CORO7: variants seen among roughly 807,000 people sequenced by gnomAD.
CORO7 encodes the protein coronin-7.
A neutral mutation model predicts 126.6 loss-of-function variants in CORO7; 107 were observed. The observed-to-expected ratio is 0.85, with a 90% CI of 0.72 to 0.99. CORO7 has a LOEUF of 0.99. CORO7 is among the 50% of genes least tolerant of loss of function. The pLI is 0.00. For missense variants in CORO7, 1,314 were observed against 1,255.8 expected (o/e 1.05, Z -0.70); for synonymous variants, 603 against 536.8 (o/e 1.12, Z -1.70).
intron 16 of CORO7, chr16:4,361,743 A>G (rs1342871234): frequency 1.2e-6 from 1 of 808,358 alleles, no homozygotes. Flanking sequence ...CAGCTCCACC[A>G]CTTACACAGC....
At chr16:4,383,041 G>C (rs1596309368) in intron 9 of CORO7, 1 of 932,794 alleles carries the variant, frequency 1.1e-6, no homozygotes, top group Non-Finnish European at 1.6e-6. Context: ...GCTGGGCCCT[G>C]TTCCCTCTGG....
intron 25 of CORO7, chr16:4,357,581 C>G (rs1281045167): frequency 3.0e-6 from 1 of 334,286 alleles, no homozygotes; most frequent in African/African-American, 2.2e-5. Flanking sequence ...GTCTCAAACC[C>G]CCGACCTCAG....
At chr16:4,360,656 G>C in intron 19 of CORO7, 108 bp from the exon 20 acceptor site, 1 of 1,410,936 alleles carries the variant, frequency 7.1e-7, no homozygotes, top group East Asian at 2.5e-5. Context: ...CCTCACTGCT[G>C]TTCCCGCCTC....
At chr16:4,377,185 G>A (rs1008446104) in intron 9 of CORO7, among the ~76,000 whole-genome samples, 4 of 152,120 alleles carry the variant, frequency 2.6e-5, no homozygotes, top group Non-Finnish European at 5.9e-5. Context: ...GGTGGAGGAC[G>A]GAGGCCCCAG....
chr16:4,397,068 A>G (rs970834908), intron 6 of CORO7, among the ~76,000 whole-genome samples: 3 of 151,890 alleles, frequency 2.0e-5, no homozygotes, highest in African/African-American at 7.3e-5. Context: ...TTGCACCAGT[A>G]CAGATAAAAA....
intron 3 of CORO7, among the ~76,000 whole-genome samples, chr16:4,410,315 C>G (rs1279476238): frequency 6.6e-6 from 1 of 152,060 alleles, no homozygotes; most frequent in East Asian, 1.9e-4. Context: ...GTCCCAGCTA[C>G]TAGGGAGGCT....
chr16:4,379,711 C>A (rs532601749), intron 9 of CORO7, among the ~76,000 whole-genome samples: 2 of 151,980 alleles, frequency 1.3e-5, no homozygotes, highest in Non-Finnish European at 2.9e-5. Flanking sequence ...GGCTGCTGCT[C>A]ATCTTTCTTG....
chr16:4,359,375 C>T lies in CORO7; in HGVS notation c.2261G>A (p.Arg754His), dbSNP rs765337019. 25 of 1,613,426 alleles carry T rather than the reference C, an allele frequency of 1.5e-5. No individual in the cohort carries two copies. Among genetic ancestry groups the T allele is most frequent in the Non-Finnish European group, 1.9e-5 (22 of 1,179,958 alleles). ...LVLLTGKGDT[R>H]VFLYELLPES... is the part of the protein sequence containing the mutation. ...GGGGAGCAGCTCGTACAGGAATACA[C>T]GGGTGTCGCCCTGCGGGGAAGAAGG... Residue 754 changes from arginine to histidine, a missense_variant, in exon 23 of 28, where the codon CGT becomes CAT. Physicochemically the swap from Arg to His is conservative, Grantham distance 29. Coordinates refer to ENST00000251166, the MANE Select transcript of CORO7 (RefSeq NM_024535.5).
chr16:4,388,454 T>C, intron 8 of CORO7, 91 bp downstream of exon 8: 2 of 1,419,920 alleles, frequency 1.4e-6, no homozygotes, highest in Non-Finnish European at 1.9e-6. Context: ...TGGCCCTCAG[T>C]CCCCCGCCTC....
chr16:4,382,993 A>T, intron 9 of CORO7: 2 of 1,322,420 alleles, frequency 1.5e-6, no homozygotes, highest in Non-Finnish European at 2.0e-6. Context: ...CTCAGTCCCA[A>T]CCTCGGGGAT....
intron 9 of CORO7, among the ~76,000 whole-genome samples, chr16:4,366,916 C>T (rs7197721): frequency 0.031 from 4,675 of 152,210 alleles, 253 homozygotes; most frequent in African/African-American, 0.11. Context: ...AACAGGACCC[C>T]GTCCCCACTG....
chr16:4,407,275 C>T lies in CORO7; in HGVS notation c.487+226G>A, dbSNP rs1315938971. 6.1e-5 allele frequency among the ~76,000 whole-genome samples: 8 copies of T among 131,612 alleles called. No homozygotes were observed. The East Asian group carries it at 1.7e-3, about 28-fold the overall frequency. 86.3% of individuals were successfully genotyped at this position (131,612 alleles called of 152,430 possible). On this transcript the variant is annotated intron_variant, in intron 5 of 27. Transcript: ENST00000251166. The stretch of plus-strand genomic sequence containing the variant: ...TATTTTTTTAAATGGAGAAAAACAA[C>T]AGAAAAAAAAAAAAACAGGTAAGAG...
At position 4,395,318 on chromosome 16, in the gene CORO7, C is replaced by T. The variant is rs1245147090; in HGVS notation, c.586G>A (p.Asp196Asn). The T allele has an allele frequency of 6.2e-7, 1 of 1,613,922 alleles. No homozygotes were observed. Among genetic ancestry groups the T allele is most frequent in the African/African-American group, 1.3e-5 (1 of 74,916 alleles). The change falls in exon 7 of 28, where the codon GAC (aspartate) becomes AAC (asparagine). Residue 196 changes from aspartate to asparagine, a missense_variant. Asp to Asn is a conservative substitution (Grantham distance 23). Coordinates refer to ENST00000251166, the MANE Select transcript of CORO7 (RefSeq NM_024535.5). Reference protein sequence around the residue: ...ACKDKQLRIFDPRTKPRASQS... With the variant: ...ACKDKQLRIFNPRTKPRASQS... ...GAGGCCCGCGGCTTTGTTCTGGGGT[C>T]AAAGATCCGCAGCTGCTTGTCCTGG...
In CORO7 at chr16:4,407,517, C is replaced by G; in HGVS notation, c.471G>C (p.Lys157Asn). Residue 157 changes from lysine (K) to asparagine (N), a missense_variant, in exon 5 of 28, where the codon AAG becomes AAC. By Grantham distance (94) the Lys-to-Asn change is moderately conservative. Transcript: ENST00000251166. Reference protein sequence around the residue: ...GTTVKVWDAAKQQPLTELAAH... With the variant: ...GTTVKVWDAANQQPLTELAAH... The stretch of plus-strand genomic sequence containing the variant: ...GGCCTGTACCTGTCAGGGGCTGCTG[C>G]TTGGCTGCGTCCCAGACCTTCACAG... The G allele has an allele frequency of 1.3e-6, 2 of 1,570,184 alleles. No homozygotes were observed. Among genetic ancestry groups the G allele is most frequent in the Non-Finnish European group, 1.7e-6 (2 of 1,157,860 alleles).
At chr16:4,405,732 T>C (rs1482308993) in intron 5 of CORO7, among the ~76,000 whole-genome samples, 165 bp from the exon 6 acceptor site, 3 of 150,720 alleles carry the variant, frequency 2.0e-5, no homozygotes, top group Non-Finnish European at 4.5e-5. Flanking sequence ...AGGCTTCCCC[T>C]GCACCACAGG....
rs1227151894 is a variant in CORO7, at chr16:4,387,845, G to A, written c.785+141C>T. ...GGGGGTACAGGGCCAGGTGTCTGTT[G>A]CAAGGCCTTGCAGCCCAGATCAGGT... is the stretch of plus-strand genomic sequence containing the variant. On this transcript the variant is annotated intron_variant, in intron 9 of 27. Transcript: ENST00000251166. 6 of 1,050,924 alleles carry A rather than the reference G, an allele frequency of 5.7e-6. No homozygotes were observed. The Admixed American group carries it at 8.9e-5, about 16-fold the overall frequency. 65.1% of individuals were successfully genotyped at this position (1,050,924 alleles called of 1,614,324 possible). A position where few individuals can be genotyped will look rare whatever the true frequency, so the allele number is the denominator to read the frequency against.
intron 24 of CORO7, 123 bp downstream of exon 24, chr16:4,358,244 G>T: frequency 1.3e-6 from 2 of 1,526,570 alleles, no homozygotes; most frequent in South Asian, 1.2e-5. Flanking sequence ...CTCAGCAGAA[G>T]GGGGTAGGTG....
chr16:4,415,319 T>C (rs979904761), intron 1 of CORO7, among the ~76,000 whole-genome samples: 10 of 152,170 alleles, frequency 6.6e-5, no homozygotes, highest in Admixed American at 5.9e-4. Flanking sequence ...CACCAGGCTC[T>C]TTCTCAATTC....
chr16:4,388,813 C>T lies in CORO7; in HGVS notation c.616-182G>A, dbSNP rs113243928. 3.1e-3 allele frequency among the ~76,000 whole-genome samples: 478 copies of T among 152,240 alleles called. 5 individuals carry two copies. The highest frequency in any genetic ancestry group is 0.011 in the African/African-American group (452 of 41,548). On this transcript the variant is annotated intron_variant, in intron 7 of 27. Coordinates refer to ENST00000251166, the MANE Select transcript of CORO7 (RefSeq NM_024535.5). ...ACCAAGGGTGGTCTCCGAAGCACCC[C>T]GGGGATCAGCCCCGCCTCCGCCCCA...
Sources: allele counts gnomAD v4.1 joint callset (sites outside exome capture counted in the v4.1 genomes callset), GRCh38; gene constraint gnomAD v4.1.1; transcripts MANE v1.5; gene names NCBI Gene and HGNC (gene_info 2026-07-23, HGNC 2026-07-21).